Variants in PPP1R12A observed in about 807,000 individuals in gnomAD.
PPP1R12A encodes the protein myosin binding subunit.
PPP1R12A carries 19 observed loss-of-function variants against 139.6 expected under a neutral mutation model. That is an observed-to-expected ratio of 0.14 (90% CI 0.09 to 0.20). The LOEUF (loss-of-function observed/expected upper bound fraction) is 0.20. Among genes scored for constraint, PPP1R12A ranks in the 10% least tolerant of loss-of-function variants. The pLI is 1.00. For synonymous variants in PPP1R12A, 427 were observed against 420.6 expected (o/e 1.02, Z -0.19); for missense variants, 925 against 1,211.5 (o/e 0.76, Z 3.51).
At chr12:79,821,381 T>A (rs575879009) in intron 6 of PPP1R12A, among the ~76,000 whole-genome samples, 1 of 152,152 alleles carries the variant, frequency 6.6e-6, no homozygotes, top group African/African-American at 2.4e-5. Flanking sequence ...CTAAGATGGA[T>A]TTTTTACATC....
intron 1 of PPP1R12A, among the ~76,000 whole-genome samples, chr12:79,883,562 A>G (rs1883844018): frequency 1.3e-5 from 2 of 152,146 alleles, no homozygotes; most frequent in South Asian, 4.1e-4. Context: ...GACTGGGAAA[A>G]GAAAGATGAC....
At position 79,832,453 on chromosome 12, in the gene PPP1R12A, T is replaced by C. The variant is rs1473289304; in HGVS notation, c.526A>G (p.Ile176Val). 1.9e-6 allele frequency: 3 copies of C among 1,612,170 alleles called. No individual in the cohort carries two copies. Among genetic ancestry groups the C allele is most frequent in the Non-Finnish European group, 2.5e-6 (3 of 1,179,270 alleles). Residue 176 changes from isoleucine (I) to valine (V), a missense_variant, in exon 4 of 25, where the codon ATC becomes GTC. By Grantham distance (29) the Ile-to-Val change is conservative. Around this residue, in one of 4 missense-constraint regions of PPP1R12A, gnomAD observed 199 missense variants for 352.4 expected, o/e 0.56. Coordinates refer to ENST00000450142, the MANE Select transcript of PPP1R12A (RefSeq NM_002480.3). ...CACTGCCTGGCATCTCTAAGCATGA[T>C]CCGTTCTTCTTCCTTTCGAGCTGCT... The part of the protein sequence containing the change: ...IEAARKEEER[I>V]MLRDARQWLN...
chr12:79,807,984 C>T (rs886521678), intron 11 of PPP1R12A, among the ~76,000 whole-genome samples: 3 of 151,180 alleles, frequency 2.0e-5, no homozygotes, highest in Admixed American at 6.6e-5. Context: ...TGCAGTGAGC[C>T]GAGATTGCGC....
At chr12:79,911,998 AC>A (rs1446081416) in intron 1 of PPP1R12A, among the ~76,000 whole-genome samples, 1 of 151,524 alleles carries the variant, frequency 6.6e-6, no homozygotes, top group Non-Finnish European at 1.5e-5. Context: ...CTATCTCTAT[AC>A]TGTTTGCTAT....
intron 20 of PPP1R12A, chr12:79,789,576 C>T (rs1033172376): frequency 2.3e-6 from 1 of 441,414 alleles, no homozygotes; most frequent in Non-Finnish European, 4.5e-6. Flanking sequence ...CTCTTATTAT[C>T]TGGTTCTGAA....
chr12:79,893,246 G>C (rs1040070152), intron 1 of PPP1R12A, among the ~76,000 whole-genome samples: 1 of 152,036 alleles, frequency 6.6e-6, no homozygotes. Flanking sequence ...TACACCTTAA[G>C]CCTTTATTTC....
rs149384466 is a variant in PPP1R12A at position 79,814,815 on chromosome 12, C to CAAAAAAA, written c.1239+2572_1239+2578dup. Reference sequence around the variant, plus strand: ...GGGTGACAAGAGTGAAACTCTGTCTCAAAAAAAAAAAAAAAAAAAAAAAAA... The same window carrying CAAAAAAA: ...GGGTGACAAGAGTGAAACTCTGTCTCAAAAAAAAAAAAAAAAAAAAAAAAAAAAAAAA... On this transcript the variant is annotated intron_variant, in intron 9 of 24. Coordinates refer to ENST00000450142, the MANE Select transcript of PPP1R12A (RefSeq NM_002480.3). Among the ~76,000 whole-genome samples, 56 of 69,746 alleles carry CAAAAAAA rather than the reference C, an allele frequency of 8.0e-4. 1 individual carries two copies. Among genetic ancestry groups the CAAAAAAA allele is most frequent in the African/African-American group, 3.6e-3 (53 of 14,862 alleles). The allele number at this position is 69,746 out of a possible 152,430, so 45.8% of individuals were successfully genotyped here.
intron 5 of PPP1R12A, among the ~76,000 whole-genome samples, chr12:79,826,255 A>G (rs1386877168): frequency 6.6e-6 from 1 of 152,002 alleles, no homozygotes; most frequent in African/African-American, 2.4e-5. Flanking sequence ...CAGGGTCGTT[A>G]AAAGAATTGC....
rs1888564473 is a variant in PPP1R12A at position 79,935,055 on chromosome 12, C to T, written c.-124G>A. ...GTGCGGGCCAGAGGAGGGCTGGGAACCCGGAGCCGACGCTCGAGACTTCCA... is the reference window on the plus strand; with the variant it reads ...GTGCGGGCCAGAGGAGGGCTGGGAATCCGGAGCCGACGCTCGAGACTTCCA... On this transcript the variant is annotated 5_prime_UTR_variant, in exon 1 of 25. Coordinates refer to ENST00000450142, the MANE Select transcript of PPP1R12A (RefSeq NM_002480.3). The T allele has an allele frequency of 1.4e-6, 2 of 1,405,982 alleles. No homozygotes were observed. The highest frequency in any genetic ancestry group is 1.5e-5 in the South Asian group (1 of 64,732). The allele number at this position is 1,405,982 out of a possible 1,614,324, so 87.1% of individuals were successfully genotyped here.
intron 2 of PPP1R12A, among the ~76,000 whole-genome samples, chr12:79,870,485 T>C (rs17006080): frequency 0.1 from 15,760 of 152,198 alleles, 2,203 homozygotes; most frequent in African/African-American, 0.32. Flanking sequence ...ATCCAGTATA[T>C]GCTAGAGTTA....
At chr12:79,835,206 G>T (rs1044555553) in intron 3 of PPP1R12A, among the ~76,000 whole-genome samples, 1 of 152,106 alleles carries the variant, frequency 6.6e-6, no homozygotes, top group Non-Finnish European at 1.5e-5. Context: ...TGGACTCTGG[G>T]ACTTGCACCA....
chr12:79,898,495 T>G (rs1459223022), intron 1 of PPP1R12A, among the ~76,000 whole-genome samples: 1 of 152,068 alleles, frequency 6.6e-6, no homozygotes, highest in Non-Finnish European at 1.5e-5. Flanking sequence ...CCTTACACTA[T>G]GAAGAAAATG....
chr12:79,805,940 G>C (rs1214313063), intron 13 of PPP1R12A, 172 bp from the exon 14 acceptor site: 1 of 925,608 alleles, frequency 1.1e-6, no homozygotes, highest in Non-Finnish European at 1.6e-6. Context: ...GTCAAAGAGA[G>C]AAATTTACAT....
chr12:79,816,926 A>C (rs997064716), intron 9 of PPP1R12A, among the ~76,000 whole-genome samples: 12 of 152,140 alleles, frequency 7.9e-5, no homozygotes, highest in African/African-American at 2.9e-4. Context: ...TTGTACTATG[A>C]GTTTAAAAAA....
chr12:79,904,084 G>A (rs1885882326), intron 1 of PPP1R12A, among the ~76,000 whole-genome samples: 1 of 151,898 alleles, frequency 6.6e-6, no homozygotes, highest in Non-Finnish European at 1.5e-5. Context: ...GCATGGTGAT[G>A]GGCACCTGTA....
At position 79,822,208 on chromosome 12, in the gene PPP1R12A, G is replaced by C; in HGVS notation, c.793-18C>G. 1 of 1,541,714 alleles carries C rather than the reference G, an allele frequency of 6.5e-7. No individual in the cohort carries two copies. The highest frequency in any genetic ancestry group is 8.9e-7 in the Non-Finnish European group (1 of 1,126,502). On this transcript the variant is annotated intron_variant, in intron 5 of 24. Transcript: ENST00000450142. ...GTTTGGCCCTACGTAGGAAACAAGG[G>C]GGGATGGTGATGGTCAAAAGTCAAT...
At chr12:79,793,976 T>C (rs2137017604) in intron 18 of PPP1R12A, 48 bp from the exon 19 acceptor site, 1 of 1,373,452 alleles carries the variant, frequency 7.3e-7, no homozygotes, top group Non-Finnish European at 9.9e-7. Context: ...TAGTAATAAT[T>C]TCAAAATTTA....
In PPP1R12A at chr12:79,872,888, T is replaced by G; in HGVS notation, c.288A>C (p.Gly96=). ...VDMVKFLVEN[G]ANINQPDNEG... The stretch of plus-strand genomic sequence containing the variant: ...CATTATCAGGTTGATTAATATTTGC[T>G]CCATTTTCTACCAGAAACTTCACCA... Residue 96 remains glycine (G), a synonymous_variant, in exon 2 of 25, where the codon GGA becomes GGC. Transcript: ENST00000450142. The G allele has an allele frequency of 6.2e-7, 1 of 1,613,454 alleles. No individual in the cohort carries two copies. Among genetic ancestry groups the G allele is most frequent in the South Asian group, 1.1e-5 (1 of 91,068 alleles).
intron 15 of PPP1R12A, among the ~76,000 whole-genome samples, chr12:79,797,705 G>GTA (rs879812802): frequency 6.6e-6 from 1 of 151,984 alleles, no homozygotes; most frequent in African/African-American, 2.4e-5. Context: ...CTGTGTGTGT[G>GTA]TATATATATG....
Sources: gnomAD v4.1 joint callset for allele counts (sites outside exome capture counted in the v4.1 genomes callset) on GRCh38, gnomAD v4.1.1 for gene constraint, gnomAD v4.1.1 regional missense constraint, MANE v1.5 for transcripts, NCBI Gene and HGNC (gene_info 2026-07-23, HGNC 2026-07-21) for gene names.